TAMM41: variants seen among roughly 807,000 people sequenced by gnomAD.
TAMM41 encodes the protein phosphatidate cytidylyltransferase, mitochondrial.
Under a neutral mutation model 44.1 loss-of-function variants are expected in TAMM41, and 36 were observed. The observed-to-expected ratio is 0.82, with a 90% confidence interval of 0.63 to 1.08. The LOEUF (loss-of-function observed/expected upper bound fraction) is 1.08. Ranked by LOEUF, TAMM41 falls within the 50% of genes least tolerant of loss-of-function variation. The pLI is 0.00. For synonymous variants in TAMM41, 164 were observed against 153.1 expected, an observed-to-expected ratio of 1.07 and a Z score of -0.53; for missense variants, 417 against 404.3, an observed-to-expected ratio of 1.03 and a Z score of -0.27.
the TAMM41 span, among the ~76,000 whole-genome samples, chr3:11,743,608 C>T: frequency 1.1e-4 from 16 of 152,176 alleles, no homozygotes; most frequent in Admixed American, 8.5e-4. Context: ...ACTGGGATTA[C>T]AGGCGTGAGC....
downstream of TAMM41, among the ~76,000 whole-genome samples, chr3:11,787,805 C>T (rs967910102): frequency 6.6e-6 from 1 of 152,180 alleles, no homozygotes; most frequent in Non-Finnish European, 1.5e-5. Flanking sequence ...GAGTTGAGAA[C>T]CAACTCCAGG....
chr3:11,801,366 G>T (rs2077749332), intron 7 of TAMM41, among the ~76,000 whole-genome samples: 1 of 152,054 alleles, frequency 6.6e-6, no homozygotes, highest in African/African-American at 2.4e-5. Context: ...GGGTCTTACT[G>T]TGTCACCCAG....
In TAMM41 at chr3:11,791,836, C is replaced by T. The variant is rs1485810785; in HGVS notation, c.938-1255G>A. On this transcript the variant is annotated intron_variant, in intron 7 of 7. Transcript: ENST00000455809. Reference sequence around the variant, plus strand: ...CTGACTACTTGCAAACCAACATAACCTAGTCAACAAACTCAGAGTTCCTTT... The same window carrying T: ...CTGACTACTTGCAAACCAACATAACTTAGTCAACAAACTCAGAGTTCCTTT... Among the ~76,000 whole-genome samples the T allele has an allele frequency of 2.6e-5, 4 of 152,268 alleles. No individual in the cohort carries two copies. The East Asian group carries it at 5.8e-4, about 22-fold the overall frequency.
At chr3:11,729,534 CTTTCATTTTTTTTT>C in the TAMM41 span, among the ~76,000 whole-genome samples, 1 of 43,042 alleles carries the variant, frequency 2.3e-5, no homozygotes, top group African/African-American at 9.0e-5. Context: ...TCTTTTCTTT[CTTTCATTTTTTTTT>C]TTTTTTTTTT....
the TAMM41 span, among the ~76,000 whole-genome samples, chr3:11,776,491 C>T: frequency 6.6e-6 from 1 of 152,138 alleles, no homozygotes; most frequent in Non-Finnish European, 1.5e-5. Flanking sequence ...TCTAGACACA[C>T]AGTGCTCACC....
the TAMM41 span, among the ~76,000 whole-genome samples, chr3:11,763,409 T>C: frequency 6.6e-6 from 1 of 152,242 alleles, no homozygotes; most frequent in East Asian, 1.9e-4. Context: ...CCCAAAGTGC[T>C]GGGATTACAG....
chr3:11,845,274 G>A (rs1164620644), intron 1 of TAMM41, among the ~76,000 whole-genome samples: 1 of 152,132 alleles, frequency 6.6e-6, no homozygotes, highest in African/African-American at 2.4e-5. Context: ...TATTAGCTAA[G>A]GCGCTAAGGA....
the TAMM41 span, chr3:11,771,104 G>C: frequency 0.012 from 1,886 of 152,600 alleles, 41 homozygotes; most frequent in African/African-American, 0.042. Flanking sequence ...TCAAGCTGCG[G>C]CCTCAGGCAG....
chr3:11,774,489 G>A, the TAMM41 span, among the ~76,000 whole-genome samples: 1,631 of 152,260 alleles, frequency 0.011, 41 homozygotes, highest in African/African-American at 0.036. Context: ...AGCACTTTCC[G>A]TAAAACAGCC....
chr3:11,725,379 TCCTCCTC>T, the TAMM41 span, among the ~76,000 whole-genome samples: 3 of 143,462 alleles, frequency 2.1e-5, no homozygotes, highest in Admixed American at 7.0e-5. Context: ...CTCCTCCTCT[TCCTCCTC>T]CTTCTTTTTC....
the TAMM41 span, among the ~76,000 whole-genome samples, chr3:11,727,782 A>G: frequency 7.1e-6 from 1 of 141,580 alleles, no homozygotes; most frequent in Admixed American, 7.1e-5. Flanking sequence ...TTTTTTTTCT[A>G]ATTTAATTTT....
the TAMM41 span, among the ~76,000 whole-genome samples, chr3:11,744,430 A>G: frequency 6.6e-6 from 1 of 152,064 alleles, no homozygotes; most frequent in Non-Finnish European, 1.5e-5. Flanking sequence ...ACAGTGGCTC[A>G]CACCTGTAAT....
intron 7 of TAMM41, among the ~76,000 whole-genome samples, chr3:11,805,491 T>C (rs376432721): frequency 6.6e-6 from 1 of 151,982 alleles, no homozygotes; most frequent in East Asian, 1.9e-4. Context: ...AGACTGGTCT[T>C]GAACTCTTGA....
At chr3:11,726,079 G>A in the TAMM41 span, among the ~76,000 whole-genome samples, 44,586 of 152,148 alleles carry the variant, frequency 0.29, 6,765 homozygotes, top group Middle Eastern at 0.36. Context: ...GAATATCAAC[G>A]GCTGCCAATC....
chr3:11,812,357 C>A (rs1466573254), intron 5 of TAMM41, among the ~76,000 whole-genome samples: 1 of 152,196 alleles, frequency 6.6e-6, no homozygotes, highest in Non-Finnish European at 1.5e-5. Flanking sequence ...AGAGCAGTGG[C>A]ACAGCCTGAA....
At chr3:11,805,304 T>G (rs1011296129) in intron 7 of TAMM41, among the ~76,000 whole-genome samples, 4 of 152,052 alleles carry the variant, frequency 2.6e-5, no homozygotes, top group Admixed American at 6.6e-5. Flanking sequence ...ATCCAGCCTA[T>G]TTTTTCTATT....
At chr3:11,844,834 G>A (rs2079604456) in intron 1 of TAMM41, 3 of 444,672 alleles carry the variant, frequency 6.7e-6, no homozygotes, top group African/African-American at 2.0e-5. Flanking sequence ...GTCTACTGGA[G>A]AGAATAAACA....
At chr3:11,776,977 T>TA in the TAMM41 span, among the ~76,000 whole-genome samples, 7 of 152,230 alleles carry the variant, frequency 4.6e-5, no homozygotes, top group Non-Finnish European at 1.0e-4. Context: ...AGTAGAATCG[T>TA]AGTTCCTAGG....
chr3:11,844,006 G>C lies in TAMM41; in HGVS notation c.318+23C>G, dbSNP rs1381535455. 6.2e-6 allele frequency: 10 copies of C among 1,607,998 alleles called. No individual in the cohort carries two copies. The Admixed American group carries it at 1.7e-4, about 27-fold the overall frequency. On this transcript the variant is annotated intron_variant, in intron 2 of 7. Coordinates refer to ENST00000455809, the MANE Select transcript of TAMM41 (RefSeq NM_001284401.2). ...CCAGGTAAATAACCAGCCAAGTTAA[G>C]ACAAAGGCCAGCAGTCACTTACCCT...
Sources: gnomAD v4.1 joint callset for allele counts (sites outside exome capture counted in the v4.1 genomes callset) on GRCh38, gnomAD v4.1.1 for gene constraint, MANE v1.5 for transcripts, NCBI Gene and HGNC (gene_info 2026-07-23, HGNC 2026-07-21) for gene names.